The following ALPK1 variants were observed in gnomAD, a reference collection of about 807,000 sequenced individuals.
ALPK1 encodes the protein alpha-protein kinase 1.
Under a neutral mutation model 120.6 loss-of-function variants are expected in ALPK1, and 110 were observed. The ratio of observed to expected loss-of-function variants is 0.91; its 90% CI spans 0.78 to 1.07. The LOEUF (loss-of-function observed/expected upper bound fraction) is 1.07, where lower values mean the gene tolerates loss of function less well. Ranked by LOEUF, ALPK1 falls within the 50% of genes least tolerant of loss-of-function variation. The pLI, the probability that ALPK1 is intolerant of heterozygous loss-of-function variation, is 0.00. For missense variants in ALPK1, 1,498 were observed against 1,483.9 expected, an observed-to-expected ratio of 1.01 and a Z score of -0.16; for synonymous variants, 582 against 560.3, an observed-to-expected ratio of 1.04 and a Z score of -0.55.
At chr4:112,429,104 A>G in intron 9 of ALPK1, 45 bp from the exon 10 acceptor site, 3 of 1,542,778 alleles carry the variant, frequency 1.9e-6, no homozygotes, top group Non-Finnish European at 1.8e-6. Context: ...TTGCTCATCG[A>G]TAATTAATTA....
rs1734889223 is a variant in ALPK1, at chr4:112,438,584, A to G, written c.3289A>G (p.Lys1097Glu). 2 of 1,613,874 alleles carry G rather than the reference A, an allele frequency of 1.2e-6. No individual in the cohort carries two copies. The highest frequency in any genetic ancestry group is 1.7e-6 in the Non-Finnish European group (2 of 1,179,836). Residue 1097 changes from lysine (K) to glutamate (E), a missense_variant, in exon 13 of 16, where the codon AAG (lysine) becomes GAG (glutamate). Transcript: ENST00000650871. ...TAQHYVTEFNKRLYEQNIPTQ... is the reference protein window; with the variant it reads ...TAQHYVTEFNERLYEQNIPTQ... ...ACAGCACTATGTGACAGAATTTAAC[A>G]AGAGACTCTATGAACAAAACATTCC...
chr4:112,412,944 C>T (rs1268030179), intron 5 of ALPK1, among the ~76,000 whole-genome samples: 1 of 152,198 alleles, frequency 6.6e-6, no homozygotes, highest in African/African-American at 2.4e-5. Flanking sequence ...GACAAAAGGA[C>T]ATGGGAGAAA....
At chr4:112,325,976 C>A (rs1190965429) in intron 2 of ALPK1, among the ~76,000 whole-genome samples, 2 of 152,142 alleles carry the variant, frequency 1.3e-5, no homozygotes, top group Non-Finnish European at 2.9e-5. Flanking sequence ...CAAAGCCTCC[C>A]CTCACACTCA....
intron 2 of ALPK1, among the ~76,000 whole-genome samples, chr4:112,325,495 T>C (rs1210285003): frequency 1.3e-5 from 2 of 152,170 alleles, no homozygotes; most frequent in African/African-American, 4.8e-5. Context: ...GGACTTGAGG[T>C]ATATTTAGGT....
chr4:112,340,953 G>A (rs1435755490), intron 2 of ALPK1, among the ~76,000 whole-genome samples: 1 of 152,332 alleles, frequency 6.6e-6, no homozygotes, highest in East Asian at 1.9e-4. Context: ...ATTCACGCAC[G>A]TGGTTCCCAA....
intron 2 of ALPK1, among the ~76,000 whole-genome samples, chr4:112,335,974 C>T (rs968156983): frequency 2.6e-5 from 4 of 151,794 alleles, no homozygotes; most frequent in Admixed American, 6.6e-5. Flanking sequence ...TGGGGCTTTG[C>T]ATTCTGAAAA....
chr4:112,362,742 G>T (rs1730967278), intron 2 of ALPK1, among the ~76,000 whole-genome samples: 1 of 152,156 alleles, frequency 6.6e-6, no homozygotes, highest in Admixed American at 6.5e-5. Flanking sequence ...AGAACACCTG[G>T]GAAATTTATT....
chr4:112,302,026 C>A (rs984779186), intron 1 of ALPK1, among the ~76,000 whole-genome samples: 1 of 152,154 alleles, frequency 6.6e-6, no homozygotes, highest in Non-Finnish European at 1.5e-5. Flanking sequence ...CATCCTGGAG[C>A]TTACAGTCCC....
chr4:112,299,537 G>T (rs762369770), intron 1 of ALPK1, among the ~76,000 whole-genome samples: 8 of 152,114 alleles, frequency 5.3e-5, no homozygotes, highest in Non-Finnish European at 1.2e-4. Context: ...GTAATCTGCA[G>T]ATTTGGCAAA....
At chr4:112,358,039 T>C in intron 2 of ALPK1, 2 of 605,352 alleles carry the variant, frequency 3.3e-6, no homozygotes, top group Non-Finnish European at 6.3e-6. Context: ...ATGGCAGTAG[T>C]GTGATCATCA....
chr4:112,348,150 C>T (rs933330828), intron 2 of ALPK1, among the ~76,000 whole-genome samples: 1 of 152,218 alleles, frequency 6.6e-6, no homozygotes, highest in African/African-American at 2.4e-5. Context: ...CACTCAGTCA[C>T]ATAACTCTTA....
intron 2 of ALPK1, among the ~76,000 whole-genome samples, chr4:112,362,050 A>T (rs1730939506): frequency 6.6e-6 from 1 of 152,242 alleles, no homozygotes; most frequent in Admixed American, 6.5e-5. Flanking sequence ...AGAGCCTCAC[A>T]TCAAGGGAGC....
intron 2 of ALPK1, chr4:112,357,771 G>T: frequency 9.1e-7 from 1 of 1,093,628 alleles, no homozygotes. Flanking sequence ...TCGCCCGCAT[G>T]GTGCCCTATG....
At chr4:112,353,485 C>T (rs1024806818) in intron 2 of ALPK1, among the ~76,000 whole-genome samples, 7 of 152,164 alleles carry the variant, frequency 4.6e-5, no homozygotes, top group Admixed American at 2.6e-4. Flanking sequence ...TAATGCCAAA[C>T]TGTAGGTTCC....
At chr4:112,388,531 G>A (rs1732253095) in intron 4 of ALPK1, among the ~76,000 whole-genome samples, 1 of 151,700 alleles carries the variant, frequency 6.6e-6, no homozygotes, top group Admixed American at 6.6e-5. Context: ...TTCAAAAGCA[G>A]TAACAGGTGC....
chr4:112,349,900 A>G (rs1730273856), intron 2 of ALPK1, among the ~76,000 whole-genome samples: 1 of 152,188 alleles, frequency 6.6e-6, no homozygotes, highest in African/African-American at 2.4e-5. Context: ...TGTGAGCAGA[A>G]ATTCTCAAGT....
chr4:112,329,178 G>A (rs1362046386), intron 2 of ALPK1, among the ~76,000 whole-genome samples: 1 of 152,162 alleles, frequency 6.6e-6, no homozygotes, highest in African/African-American at 2.4e-5. Context: ...AAGGCAGGAA[G>A]GAGGAAAAAT....
At chr4:112,414,624 G>A (rs1348523435) in intron 5 of ALPK1, 1 of 177,938 alleles carries the variant, frequency 5.6e-6, no homozygotes, top group Non-Finnish European at 1.2e-5. Flanking sequence ...AAAAAAAAGA[G>A]AGACGACTCA....
intron 2 of ALPK1, chr4:112,357,195 A>G: frequency 6.4e-7 from 1 of 1,551,980 alleles, no homozygotes; most frequent in Admixed American, 1.7e-5. Context: ...GCTGAAGCCC[A>G]GAGCACGTTT....
Sources: allele counts gnomAD v4.1 joint callset (sites outside exome capture counted in the v4.1 genomes callset), GRCh38; gene constraint gnomAD v4.1.1; transcripts MANE v1.5; gene names NCBI Gene and HGNC (gene_info 2026-07-23, HGNC 2026-07-21).